The following DUSP18 variants were observed in gnomAD, a reference collection of about 807,000 sequenced individuals.
DUSP18 encodes the protein dual specificity protein phosphatase 18.
In DUSP18, 4 loss-of-function variants were observed where a neutral mutation model predicts 6.3. The ratio of observed to expected loss-of-function variants is 0.63; its 90% CI spans 0.31 to 1.45. The LOEUF (loss-of-function observed/expected upper bound fraction) is 1.45. Among genes scored for constraint, DUSP18 ranks in the 40% most tolerant of loss-of-function variants. The probability of loss-of-function intolerance (pLI) is 0.07; values close to 1 mark genes in which losing one functional copy is unlikely to be tolerated. For missense variants in DUSP18, 235 were observed against 247.7 expected (o/e 0.95, Z 0.34); for synonymous variants, 96 against 95.1 (o/e 1.01, Z -0.05).
At chr22:30,657,245 G>A (rs957419557), downstream of DUSP18, among the ~76,000 whole-genome samples, 1 of 150,720 alleles carries the variant, frequency 6.6e-6, no homozygotes, top group Non-Finnish European at 1.5e-5. Context: ...GACCAGCCTG[G>A]CCAACACGGT....
downstream of DUSP18, among the ~76,000 whole-genome samples, chr22:30,660,235 C>T (rs2088429943): frequency 6.6e-6 from 1 of 152,176 alleles, no homozygotes; most frequent in Admixed American, 6.5e-5. Context: ...TTTTAAGCCA[C>T]TAAGTTTGTG....
chr22:30,663,575 G>A lies in DUSP18; in HGVS notation c.429C>T (p.Pro143=). ...WTKSCRPIIR[P]NSGFWEQLIH... ...TGAGCTGCTCCCAAAAGCCGCTGTTGGGTCGGATGATGGGCCGGCATGACT... is the reference window on the plus strand; with the variant it reads ...TGAGCTGCTCCCAAAAGCCGCTGTTAGGTCGGATGATGGGCCGGCATGACT... Residue 143 remains proline, a synonymous_variant, in exon 2 of 2, where the codon CCC becomes CCT. Coordinates refer to ENST00000334679, the MANE Select transcript of DUSP18 (RefSeq NM_152511.5). The A allele has an allele frequency of 6.2e-7, 1 of 1,614,238 alleles. No individual in the cohort carries two copies. Among genetic ancestry groups the A allele is most frequent in the African/African-American group, 1.3e-5 (1 of 75,064 alleles).
downstream of DUSP18, among the ~76,000 whole-genome samples, chr22:30,659,675 A>G (rs1243014786): frequency 3.9e-5 from 6 of 152,330 alleles, no homozygotes; most frequent in East Asian, 1.2e-3. Context: ...TAGAACTAAG[A>G]AAATATAAGA....
downstream of DUSP18, among the ~76,000 whole-genome samples, chr22:30,658,894 C>T (rs2088399824): frequency 6.6e-6 from 1 of 152,082 alleles, no homozygotes; most frequent in African/African-American, 2.4e-5. Context: ...CCTGTAATCC[C>T]AGCACTTTGG....
downstream of DUSP18, among the ~76,000 whole-genome samples, chr22:30,659,061 T>G (rs2088404115): frequency 2.0e-5 from 3 of 148,098 alleles, no homozygotes; most frequent in Non-Finnish European, 4.4e-5. Flanking sequence ...GAGGCGGAGT[T>G]TGCAGTGAGC....
chr22:30,666,621 CAAAAAAAA>C lies in DUSP18; in HGVS notation c.-78+833_-78+840del, dbSNP rs55979351. Among the ~76,000 whole-genome samples, 87 of 62,488 alleles carry C rather than the reference CAAAAAAAA, an allele frequency of 1.4e-3. 2 individuals carry two copies. Among genetic ancestry groups the C allele is most frequent in the Admixed American group, 6.9e-3 (27 of 3,888 alleles). 41.0% of individuals were successfully genotyped at this position (62,488 alleles called of 152,430 possible). On this transcript the variant is annotated intron_variant, in intron 1 of 1. Transcript: ENST00000334679. ...TGGGAGACAGCGTGAGACTCCATCTCAAAAAAAAAAAAAAAAAAAAAAAAAGCAATCTC... is the reference window on the plus strand; with the variant it reads ...TGGGAGACAGCGTGAGACTCCATCTCAAAAAAAAAAAAAAAAAGCAATCTC...
At chr22:30,664,271 C>G (rs1485916316) in intron 1 of DUSP18, among the ~76,000 whole-genome samples, 191 bp from the exon 2 acceptor site, 2 of 152,194 alleles carry the variant, frequency 1.3e-5, no homozygotes, top group Non-Finnish European at 2.9e-5. Flanking sequence ...GTCAGACTCT[C>G]GGGGTGAAGA....
intron 2 of DUSP18, among the ~76,000 whole-genome samples, chr22:30,652,956 A>G (rs960939406): frequency 6.6e-6 from 1 of 152,252 alleles, no homozygotes; most frequent in Non-Finnish European, 1.5e-5. Flanking sequence ...CTACCATATC[A>G]GTGAATATCT....
At position 30,663,706 on chromosome 22, in the gene DUSP18, T is replaced by C; in HGVS notation, c.298A>G (p.Thr100Ala). Residue 100 changes from threonine (T) to alanine (A), a missense_variant, in exon 2 of 2, where the codon ACT becomes GCT. Thr to Ala is a moderately conservative substitution (Grantham distance 58). Coordinates refer to ENST00000334679, the MANE Select transcript of DUSP18 (RefSeq NM_152511.5). The stretch of plus-strand genomic sequence containing the variant: ...ACACCAGCAGCACAGTGCAGCAAAG[T>C]ACGGCCCTGCTTCATCTCCACGCTG... ...IHSVEMKQGR[T>A]LLHCAAGVSR... 6.2e-6 allele frequency: 10 copies of C among 1,614,214 alleles called. No homozygotes were observed. Among genetic ancestry groups the C allele is most frequent in the Non-Finnish European group, 8.5e-6 (10 of 1,180,044 alleles).
intron 2 of DUSP18, among the ~76,000 whole-genome samples, chr22:30,655,922 T>TG (rs1216910955): frequency 6.6e-6 from 1 of 150,518 alleles, no homozygotes; most frequent in Non-Finnish European, 1.5e-5. Flanking sequence ...TGGAAAGTAA[T>TG]GGATTCTTAG....
At position 30,663,361 on chromosome 22, in the gene DUSP18, T is replaced by C; in HGVS notation, c.*76A>G. 1 of 1,426,310 alleles carries C rather than the reference T, an allele frequency of 7.0e-7. No individual in the cohort carries two copies. Among genetic ancestry groups the C allele is most frequent in the Non-Finnish European group, 9.5e-7 (1 of 1,049,464 alleles). 88.4% of individuals were successfully genotyped at this position (1,426,310 alleles called of 1,614,324 possible). On this transcript the variant is annotated 3_prime_UTR_variant, in exon 2 of 2. Coordinates refer to ENST00000334679, the MANE Select transcript of DUSP18 (RefSeq NM_152511.5). ...TTTCTGTATCAACAAAAGTAGAATG[T>C]TCAAGTTTGGATCTTGGTGTAAGAT...
chr22:30,663,254 G>T lies in DUSP18; in HGVS notation c.*183C>A. The stretch of plus-strand genomic sequence containing the variant: ...ATTTATCTTCACCATCTCACAATTA[G>T]TTTAATCTTAAAAAAAATGGATTAT... On this transcript the variant is annotated 3_prime_UTR_variant, in exon 2 of 2. Transcript: ENST00000334679. The T allele has an allele frequency of 3.0e-6, 2 of 657,076 alleles. No homozygotes were observed. The highest frequency in any genetic ancestry group is 2.5e-6 in the Non-Finnish European group (1 of 396,876). 40.7% of individuals were successfully genotyped at this position (657,076 alleles called of 1,614,324 possible).
rs534843581 is a variant in DUSP18 at position 30,663,453 on chromosome 22, A to G, written c.551T>C (p.Leu184Ser). 1.2e-6 allele frequency: 2 copies of G among 1,610,540 alleles called. No homozygotes were observed. Among genetic ancestry groups the G allele is most frequent in the African/African-American group, 1.3e-5 (1 of 74,978 alleles). The change falls in exon 2 of 2, where the codon TTG (leucine) becomes TCG (serine). Residue 184 changes from leucine (L) to serine (S), a missense_variant. Leu to Ser is a moderately radical substitution (Grantham distance 145). Coordinates refer to ENST00000334679, the MANE Select transcript of DUSP18 (RefSeq NM_152511.5). ...IPDIYEKEVRLMIPL is the reference protein window; with the variant it reads ...IPDIYEKEVRSMIPL ...TGGGATGGCTCACAGTGGAATCATC[A>G]AACGGACTTCCTTCTCATAGATGTC...
chr22:30,663,197 TC>T lies in DUSP18; in HGVS notation c.*239del. The T allele has an allele frequency of 2.0e-6, 1 of 496,640 alleles. No individual in the cohort carries two copies. The highest frequency in any genetic ancestry group is 2.5e-5 in the South Asian group (1 of 39,604). The allele number at this position is 496,640 out of a possible 1,614,324, so 30.8% of individuals were successfully genotyped here. ...TCTGGGCACCATCTGCCTCAACCTA[TC>T]CCCTGGCCAGTGTCACTCACAGGGC... is the stretch of plus-strand genomic sequence containing the variant. On this transcript the variant is annotated 3_prime_UTR_variant, in exon 2 of 2. Transcript: ENST00000334679.
chr22:30,653,976 T>C (rs2088278180), intron 2 of DUSP18: 1 of 147,124 alleles, frequency 6.8e-6, no homozygotes, highest in Non-Finnish European at 1.4e-5. Flanking sequence ...TTAGCTGTTT[T>C]GTTTTTTTGT....
chr22:30,654,609 G>A (rs1265668225), intron 2 of DUSP18: 1 of 465,502 alleles, frequency 2.1e-6, no homozygotes, highest in African/African-American at 2.0e-5. Flanking sequence ...GGGCCCAGAA[G>A]TGGTAGGTGC....
chr22:30,658,371 T>C (rs183256741), downstream of DUSP18, among the ~76,000 whole-genome samples: 467 of 150,462 alleles, frequency 3.1e-3, 1 homozygote, highest in Middle Eastern at 0.014. Flanking sequence ...AGACTCTGTC[T>C]CTAGAAAAAA....
At chr22:30,659,486 G>A (rs1271440501), downstream of DUSP18, among the ~76,000 whole-genome samples, 3 of 151,798 alleles carry the variant, frequency 2.0e-5, no homozygotes, top group Non-Finnish European at 2.9e-5. Context: ...CGATTCTTCC[G>A]CCTCAGCCTC....
Position 30,663,442 on chromosome 22 carries a change from G to A in DUSP18, c.562C>T (p.Leu188=), listed in dbSNP as rs141740706. 14 of 1,608,138 alleles carry A rather than the reference G, an allele frequency of 8.7e-6. No individual in the cohort carries two copies. The highest frequency in any genetic ancestry group is 1.2e-5 in the Non-Finnish European group (14 of 1,175,252). ...YEKEVRLMIP[L] ...GCAGGGGCTCGTGGGATGGCTCACAGTGGAATCATCAAACGGACTTCCTTC... is the reference window on the plus strand; with the variant it reads ...GCAGGGGCTCGTGGGATGGCTCACAATGGAATCATCAAACGGACTTCCTTC... Residue 188 remains leucine, a synonymous_variant, in exon 2 of 2, where the codon CTG becomes TTG. Coordinates refer to ENST00000334679, the MANE Select transcript of DUSP18 (RefSeq NM_152511.5).
Sources: allele counts gnomAD v4.1 joint callset (sites outside exome capture counted in the v4.1 genomes callset), GRCh38; gene constraint gnomAD v4.1.1; transcripts MANE v1.5; gene names NCBI Gene and HGNC (gene_info 2026-07-23, HGNC 2026-07-21).